SPIRE1: variants seen among roughly 807,000 people sequenced by gnomAD.
SPIRE1 encodes protein spire homolog 1.
Under a neutral mutation model 94.1 loss-of-function variants are expected in SPIRE1, and 40 were observed. The observed-to-expected ratio is 0.43, with a 90% CI of 0.33 to 0.55. The LOEUF (loss-of-function observed/expected upper bound fraction) is 0.55. SPIRE1 is among the 20% of genes least tolerant of loss of function. The pLI is 0.06. For missense variants in SPIRE1, 838 were observed against 975.2 expected, an observed-to-expected ratio of 0.86 and a Z score of 1.87; for synonymous variants, 376 against 371.7, an observed-to-expected ratio of 1.01 and a Z score of -0.13.
intron 2 of SPIRE1, among the ~76,000 whole-genome samples, chr18:12,584,336 AG>A (rs1309134940): frequency 5.3e-5 from 8 of 152,122 alleles, no homozygotes; most frequent in Non-Finnish European, 1.0e-4. Context: ...AGGCTGAGGC[AG>A]GAGAATCTCT....
In SPIRE1 at chr18:12,657,656, C is replaced by A. The variant is rs1474131871; in HGVS notation, c.211G>T (p.Ala71Ser). The change falls in exon 1 of 17, where the codon GCC becomes TCC. Residue 71 changes from alanine to serine, a missense_variant. Transcript: ENST00000409402. ...CGGGGCTGGCGGCGGCGGGCGGCGG[C>A]GCGCAGGGAACCGCAGCACTGGTAG... Reference protein sequence around the residue: ...VCYQCCGSLRAAARRRQPRHR... With the variant: ...VCYQCCGSLRSAARRRQPRHR... 1.5e-6 allele frequency: 2 copies of A among 1,325,376 alleles called. No individual in the cohort carries two copies. The highest frequency in any genetic ancestry group is 2.1e-5 in the South Asian group (1 of 48,026). The allele number at this position is 1,325,376 out of a possible 1,614,324, so 82.1% of individuals were successfully genotyped here. A position where few individuals can be genotyped will look rare whatever the true frequency, so the allele number is the denominator to read the frequency against.
At chr18:12,644,988 G>T (rs1258113660) in intron 1 of SPIRE1, among the ~76,000 whole-genome samples, 1 of 152,030 alleles carries the variant, frequency 6.6e-6, no homozygotes, top group Non-Finnish European at 1.5e-5. Context: ...ACATGTACAT[G>T]TAACCCCAGT....
At chr18:12,611,348 T>C (rs1207850132) in intron 2 of SPIRE1, among the ~76,000 whole-genome samples, 2 of 152,200 alleles carry the variant, frequency 1.3e-5, no homozygotes, top group South Asian at 2.1e-4. Context: ...CTTCTCTCTA[T>C]ATATCTTGGA....
chr18:12,550,328 G>A (rs551153706), intron 2 of SPIRE1, among the ~76,000 whole-genome samples: 6 of 152,300 alleles, frequency 3.9e-5, no homozygotes, highest in Admixed American at 2.6e-4. Flanking sequence ...TCAGGTATTC[G>A]TTTGGATAGA....
chr18:12,452,473 A>T lies in SPIRE1; in HGVS notation c.1875+12T>A. ...AAGGAACACAAGTATAAATGAACCAAGCTTAGCTTACCTTTTTGCAACACT... is the reference window on the plus strand; with the variant it reads ...AAGGAACACAAGTATAAATGAACCATGCTTAGCTTACCTTTTTGCAACACT... On this transcript the variant is annotated intron_variant, in intron 15 of 16. Transcript: ENST00000409402. The T allele has an allele frequency of 6.2e-7, 1 of 1,614,060 alleles. No homozygotes were observed. Among genetic ancestry groups the T allele is most frequent in the Non-Finnish European group, 8.5e-7 (1 of 1,180,038 alleles).
At chr18:12,619,657 C>T (rs1453358559) in intron 2 of SPIRE1, among the ~76,000 whole-genome samples, 4 of 151,884 alleles carry the variant, frequency 2.6e-5, no homozygotes, top group East Asian at 2.0e-4. Flanking sequence ...ACCAGCCTGG[C>T]CAACACAGTG....
chr18:12,572,791 T>C (rs190492379), intron 2 of SPIRE1, among the ~76,000 whole-genome samples: 2 of 152,318 alleles, frequency 1.3e-5, no homozygotes, highest in African/African-American at 4.8e-5. Flanking sequence ...AAGCCAGGAT[T>C]GTCTTTTCAT....
chr18:12,535,654 T>A, intron 3 of SPIRE1, 53 bp from the exon 4 acceptor site: 3 of 1,563,830 alleles, frequency 1.9e-6, no homozygotes, highest in South Asian at 2.2e-5. Context: ...TGGGTTTTTT[T>A]TGTACTTAAA....
At chr18:12,450,868 C>T in intron 16 of SPIRE1, 1 of 730,952 alleles carries the variant, frequency 1.4e-6, no homozygotes, top group Non-Finnish European at 2.5e-6. Flanking sequence ...AGCAGCCTTA[C>T]ACCACTAAGG....
intron 8 of SPIRE1, among the ~76,000 whole-genome samples, chr18:12,492,810 A>G (rs1377421410): frequency 1.3e-5 from 2 of 152,168 alleles, no homozygotes; most frequent in Admixed American, 1.3e-4. Context: ...TCTTTCAATT[A>G]CGGCACGATG....
At chr18:12,474,168 AGTTTACAGTTG>A (rs1424005494) in intron 10 of SPIRE1, among the ~76,000 whole-genome samples, 1 of 152,250 alleles carries the variant, frequency 6.6e-6, no homozygotes, top group Non-Finnish European at 1.5e-5. Flanking sequence ...TAAAGTGTTC[AGTTTACAGTTG>A]GAAGTGTCAC....
In SPIRE1 at chr18:12,451,254, G is replaced by C. The variant is rs2031223420; in HGVS notation, c.2012+1001C>G. On this transcript the variant is annotated intron_variant, in intron 16 of 16. Transcript: ENST00000409402. Reference sequence around the variant, plus strand: ...CATCCTAAAAACTAAATTTTGACTAGTTTTCTCATCATTTATGTATTTATC... The same window carrying C: ...CATCCTAAAAACTAAATTTTGACTACTTTTCTCATCATTTATGTATTTATC... Among the ~76,000 whole-genome samples the C allele has an allele frequency of 2.6e-5, 4 of 151,922 alleles. No individual in the cohort carries two copies. In the South Asian group the frequency reaches 8.3e-4, roughly 32 times the overall value.
chr18:12,583,944 C>T (rs1259574602), intron 2 of SPIRE1, among the ~76,000 whole-genome samples: 1 of 150,654 alleles, frequency 6.6e-6, no homozygotes, highest in Non-Finnish European at 1.5e-5. Context: ...CAAAAACAAA[C>T]AAAAAAAACA....
At chr18:12,529,491 G>A (rs2034625210) in intron 4 of SPIRE1, among the ~76,000 whole-genome samples, 1 of 152,098 alleles carries the variant, frequency 6.6e-6, no homozygotes, top group Non-Finnish European at 1.5e-5. Context: ...AAAGGGTCAA[G>A]GAAGACAACA....
chr18:12,548,828 T>C (rs1246380021), intron 2 of SPIRE1, among the ~76,000 whole-genome samples: 2 of 152,166 alleles, frequency 1.3e-5, no homozygotes, highest in African/African-American at 4.8e-5. Context: ...TTGTCCAAGC[T>C]GGACTCAAAC....
Position 12,559,777 on chromosome 18 carries a change from G to T in SPIRE1, c.373-12873C>A, listed in dbSNP as rs1362404195. On this transcript the variant is annotated intron_variant, in intron 2 of 16. Coordinates refer to ENST00000409402, the MANE Select transcript of SPIRE1 (RefSeq NM_001128626.2). This position sits in a 1 kb window ranked among gnomAD's most constrained non-coding sequence, Gnocchi z 4.7. The stretch of plus-strand genomic sequence containing the variant: ...GATCACATGAAGTTAAATAGCTTTT[G>T]CCAGTGAAGAAAACAACAAAATGAA... 6.6e-6 allele frequency among the ~76,000 whole-genome samples: 1 copy of T among 152,190 alleles called. No homozygotes were observed. Among genetic ancestry groups the T allele is most frequent in the Non-Finnish European group, 1.5e-5 (1 of 68,026 alleles).
At chr18:12,521,775 T>C (rs1454590085) in intron 4 of SPIRE1, among the ~76,000 whole-genome samples, 1 of 152,196 alleles carries the variant, frequency 6.6e-6, no homozygotes, top group Admixed American at 6.5e-5. Flanking sequence ...TCCATTTTTT[T>C]TTTATTAAAT....
At chr18:12,483,481 C>T (rs2032919348) in intron 9 of SPIRE1, among the ~76,000 whole-genome samples, 1 of 151,970 alleles carries the variant, frequency 6.6e-6, no homozygotes, top group African/African-American at 2.4e-5. Context: ...AATCACATAC[C>T]TTAGGTTTAG....
intron 2 of SPIRE1, among the ~76,000 whole-genome samples, chr18:12,622,459 G>C (rs2037501072): frequency 8.3e-6 from 1 of 121,178 alleles, no homozygotes. Context: ...GTCTTGCTCT[G>C]TCGCCCAGGC....
Sources: allele counts gnomAD v4.1 joint callset (sites outside exome capture counted in the v4.1 genomes callset), GRCh38; gene constraint gnomAD v4.1.1; non-coding constraint Gnocchi (gnomAD v3.1); transcripts MANE v1.5; gene names NCBI Gene and HGNC (gene_info 2026-07-23, HGNC 2026-07-21).